ERICH3: variants seen among roughly 807,000 people sequenced by gnomAD.
ERICH3 encodes glutamate rich 3, also known as glutamate-rich protein 3.
A neutral mutation model predicts 131.1 loss-of-function variants in ERICH3; 126 were observed. That is an observed-to-expected ratio of 0.96 (90% CI 0.83 to 1.11). ERICH3 has a LOEUF of 1.11. Ranked by LOEUF, ERICH3 falls within the 50% of genes most tolerant of loss-of-function variation. The pLI is 0.00. For synonymous variants in ERICH3, 695 were observed against 644.6 expected (o/e 1.08, Z -1.18); for missense variants, 2,050 against 1,810.7 (o/e 1.13, Z -2.40).
chr1:74,582,930 T>C (rs571291640), intron 12 of ERICH3, among the ~76,000 whole-genome samples: 1 of 125,944 alleles, frequency 7.9e-6, no homozygotes, highest in East Asian at 3.2e-4. Flanking sequence ...TCTTTTCTGA[T>C]TTTTTTGTAA....
chr1:74,663,156 A>T (rs2100655728), intron 1 of ERICH3, among the ~76,000 whole-genome samples: 1 of 152,270 alleles, frequency 6.6e-6, no homozygotes, highest in African/African-American at 2.4e-5. Flanking sequence ...CTACTTATGT[A>T]CCATCAATAT....
rs752395772 is a variant in ERICH3, at chr1:74,571,474, C to G, written c.4236G>C (p.Gly1412=). ...TCTCCTCTGCTGCTGGCACTTCCTC[C>G]CCACTCCGTGCTAATTCCTCTACCA... is the stretch of plus-strand genomic sequence containing the variant. ...KVVVEELARS[G]EEVPAAEEMT... The change falls in exon 14 of 15, where the codon GGG becomes GGC. Residue 1412 remains glycine (G), a synonymous_variant. Coordinates refer to ENST00000326665, the MANE Select transcript of ERICH3 (RefSeq NM_001002912.5). 3 of 1,614,004 alleles carry G rather than the reference C, an allele frequency of 1.9e-6. No homozygotes were observed. The highest frequency in any genetic ancestry group is 2.5e-6 in the Non-Finnish European group (3 of 1,180,038).
chr1:74,641,902 GA>G (rs1363629020), intron 4 of ERICH3, among the ~76,000 whole-genome samples: 27 of 152,234 alleles, frequency 1.8e-4, no homozygotes, highest in Middle Eastern at 3.4e-3. Context: ...AAAATCATAT[GA>G]AGAGGCACAA....
At chr1:74,639,884 AAAG>A (rs1450197767) in intron 5 of ERICH3, among the ~76,000 whole-genome samples, 16 of 152,242 alleles carry the variant, frequency 1.1e-4, no homozygotes, top group African/African-American at 3.9e-4. Context: ...AGTCAAATTT[AAAG>A]AATATGTATC....
At chr1:74,650,762 A>T (rs1338138875) in intron 1 of ERICH3, among the ~76,000 whole-genome samples, 1 of 151,948 alleles carries the variant, frequency 6.6e-6, no homozygotes, top group Non-Finnish European at 1.5e-5. Context: ...TTTCCATTTA[A>T]TATTTTTGGA....
At chr1:74,613,572 T>C (rs1193430438) in intron 8 of ERICH3, among the ~76,000 whole-genome samples, 1 of 152,236 alleles carries the variant, frequency 6.6e-6, no homozygotes, top group African/African-American at 2.4e-5. Context: ...TTAAATATTC[T>C]AAAACATACA....
intron 9 of ERICH3, among the ~76,000 whole-genome samples, chr1:74,610,164 G>A (rs1164751790): frequency 2.0e-5 from 3 of 151,802 alleles, no homozygotes; most frequent in Non-Finnish European, 2.9e-5. Flanking sequence ...CAGTTCAGGT[G>A]GCCCCTAAGT....
At chr1:74,668,710 G>A (rs753365122) in intron 1 of ERICH3, among the ~76,000 whole-genome samples, 14 of 152,136 alleles carry the variant, frequency 9.2e-5, no homozygotes, top group Non-Finnish European at 1.5e-4. Context: ...TAAAAGAGCA[G>A]AATCTATAAC....
At position 74,646,707 on chromosome 1, in the gene ERICH3, C is replaced by T; in HGVS notation, c.203G>A (p.Cys68Tyr). Residue 68 changes from cysteine (C) to tyrosine (Y), a missense_variant, in exon 3 of 15, where the codon TGC becomes TAC. Cys to Tyr is a radical substitution (Grantham distance 194, BLOSUM62 -2). Coordinates refer to ENST00000326665, the MANE Select transcript of ERICH3 (RefSeq NM_001002912.5). ...TTTATGAAAAATTGCCTGGGCTAAG[C>T]ATTCCCGGATATATTTTTGATGATC... ...KRDHQKYIRE[C>Y]LAQAIFHKVL... 1 of 1,479,118 alleles carries T rather than the reference C, an allele frequency of 6.8e-7. No individual in the cohort carries two copies. Among genetic ancestry groups the T allele is most frequent in the Non-Finnish European group, 9.2e-7 (1 of 1,092,344 alleles). 91.6% of individuals were successfully genotyped at this position (1,479,118 alleles called of 1,614,324 possible).
chr1:74,590,289 T>C (rs1329134861), intron 11 of ERICH3, among the ~76,000 whole-genome samples: 1 of 152,198 alleles, frequency 6.6e-6, no homozygotes, highest in Non-Finnish European at 1.5e-5. Context: ...TTCCATGGAC[T>C]GGGGTTGAGT....
At chr1:74,604,067 C>T (rs114229439) in intron 10 of ERICH3, among the ~76,000 whole-genome samples, 95 of 151,986 alleles carry the variant, frequency 6.3e-4, no homozygotes, top group African/African-American at 2.2e-3. Context: ...TCAAATCCTG[C>T]CACTCCTTTA....
intron 12 of ERICH3, among the ~76,000 whole-genome samples, chr1:74,588,460 T>C (rs1246466134): frequency 2.0e-5 from 3 of 152,202 alleles, no homozygotes; most frequent in Non-Finnish European, 4.4e-5. Context: ...TAGATAACTA[T>C]TCGACATCTT....
chr1:74,592,630 T>G (rs1321422459), intron 11 of ERICH3, among the ~76,000 whole-genome samples: 1 of 152,188 alleles, frequency 6.6e-6, no homozygotes, highest in Non-Finnish European at 1.5e-5. Context: ...ATTAATTGTA[T>G]TATTTTATTT....
In ERICH3 at chr1:74,665,776, C is replaced by T. The variant is rs1423281316; in HGVS notation, c.23+7721G>A. ...TGGCCTGATTTAACCTTAATTACCT[C>T]TTTAAAGACCCTGTCTCCAATACAG... On this transcript the variant is annotated intron_variant, in intron 1 of 14. Transcript: ENST00000326665. 2.0e-5 allele frequency among the ~76,000 whole-genome samples: 3 copies of T among 152,070 alleles called. No homozygotes were observed. In the South Asian group the frequency reaches 6.2e-4, roughly 32 times the overall value.
At chr1:74,631,661 T>C (rs1274006995) in intron 7 of ERICH3, 52 bp downstream of exon 7, 1 of 1,423,334 alleles carries the variant, frequency 7.0e-7, no homozygotes, top group Non-Finnish European at 9.9e-7. Context: ...AATCTAATAG[T>C]GCAATGTAAT....
At position 74,646,675 on chromosome 1, in the gene ERICH3, C is replaced by A; in HGVS notation, c.235G>T (p.Asp79Tyr). 7.3e-7 allele frequency: 1 copy of A among 1,362,864 alleles called. No homozygotes were observed. The highest frequency in any genetic ancestry group is 1.5e-5 in the South Asian group (1 of 68,916). The allele number at this position is 1,362,864 out of a possible 1,614,324, so 84.4% of individuals were successfully genotyped here. Residue 79 changes from aspartate (D) to tyrosine (Y), a missense_variant, in exon 3 of 15, where the codon GAT becomes TAT. Transcript: ENST00000326665. ...LAQAIFHKVL[D>Y]MERYHQLEIK... ...TAAGTATATATTTTTACCTCCATATCAAGAACTTTATGAAAAATTGCCTGG... is the reference window on the plus strand; with the variant it reads ...TAAGTATATATTTTTACCTCCATATAAAGAACTTTATGAAAAATTGCCTGG...
intron 1 of ERICH3, among the ~76,000 whole-genome samples, chr1:74,654,947 T>C (rs924495301): frequency 3.3e-5 from 5 of 152,096 alleles, no homozygotes; most frequent in African/African-American, 1.2e-4. Context: ...ATGTGAATGG[T>C]GAAATATTCA....
rs547712635 is a variant in ERICH3, at chr1:74,572,115, T to C, written c.3595A>G (p.Arg1199Gly). Residue 1199 changes from arginine to glycine, a missense_variant, in exon 14 of 15, where the codon AGG becomes GGG. Physicochemically the swap from Arg to Gly is moderately radical, Grantham distance 125. Transcript: ENST00000326665. Reference sequence around the variant, plus strand: ...CCTTCCTTCAGGGCCCTATTCTCCCTGCTGGACAGCTCTTCTCTGTCTTTG... The same window carrying C: ...CCTTCCTTCAGGGCCCTATTCTCCCCGCTGGACAGCTCTTCTCTGTCTTTG... ...EHKDREELSS[R>G]ENRALKEGHR... is the part of the protein sequence containing the mutation. 5.6e-6 allele frequency: 9 copies of C among 1,614,222 alleles called. No individual in the cohort carries two copies. In the South Asian group the frequency reaches 8.8e-5, roughly 16 times the overall value.
At chr1:74,638,381 C>CTA (rs1646409902) in intron 5 of ERICH3, among the ~76,000 whole-genome samples, 1 of 152,096 alleles carries the variant, frequency 6.6e-6, no homozygotes, top group Non-Finnish European at 1.5e-5. Context: ...TACCTGAGAC[C>CTA]AGAACTTAGA....
Sources: gnomAD v4.1 joint callset for allele counts (sites outside exome capture counted in the v4.1 genomes callset) on GRCh38, gnomAD v4.1.1 for gene constraint, MANE v1.5 for transcripts, NCBI Gene and HGNC (gene_info 2026-07-23, HGNC 2026-07-21) for gene names.